SNX7: variants seen among roughly 807,000 people sequenced by gnomAD.
SNX7 encodes the protein sorting nexin 7.
SNX7 carries 35 observed loss-of-function variants against 48.4 expected under a neutral mutation model. The ratio of observed to expected loss-of-function variants is 0.72; its 90% confidence interval spans 0.55 to 0.96. SNX7 has a LOEUF of 0.96. SNX7 is among the 40% of genes least tolerant of loss of function. SNX7 has a pLI of 0.00. For missense variants in SNX7, 553 were observed against 548.9 expected, an observed-to-expected ratio of 1.01 and a Z score of -0.07; for synonymous variants, 190 against 190.2, an observed-to-expected ratio of 1.00 and a Z score of 0.01.
rs369408661 is a variant in SNX7 at position 98,695,595 on chromosome 1, A to G, written c.717A>G (p.Ser239=). Residue 239 remains serine (S), a synonymous_variant, in exon 5 of 9, where the codon TCA becomes TCG. Transcript: ENST00000306121. ...MGQTVRAVAS[S]MRGVKNRPEE... ...AAACCGTCAGAGCTGTTGCGTCCTCAATGAGAGGAGTTAAAAACCGCCCAG... is the reference window on the plus strand; with the variant it reads ...AAACCGTCAGAGCTGTTGCGTCCTCGATGAGAGGAGTTAAAAACCGCCCAG... 5.2e-4 allele frequency: 838 copies of G among 1,614,040 alleles called. 7 individuals carry two copies. Among genetic ancestry groups the G allele is most frequent in the Non-Finnish European group, 2.7e-5 (32 of 1,180,018 alleles).
At chr1:98,691,914 T>TACAC (rs1553199327) in intron 4 of SNX7, among the ~76,000 whole-genome samples, 29 of 133,576 alleles carry the variant, frequency 2.2e-4, no homozygotes, top group African/African-American at 5.9e-4. Flanking sequence ...TCCATATATA[T>TACAC]ACACACACAC....
rs904783167 is a variant in SNX7 at position 98,738,449 on chromosome 1, C to T, written c.1278+60C>T. The T allele has an allele frequency of 1.7e-5, 26 of 1,516,452 alleles. 1 individual carries two copies. The highest frequency in any genetic ancestry group is 1.7e-4 in the Middle Eastern group (1 of 5,800). 93.9% of individuals were successfully genotyped at this position (1,516,452 alleles called of 1,614,324 possible). On this transcript the variant is annotated intron_variant, in intron 8 of 8. Coordinates refer to ENST00000306121, the MANE Select transcript of SNX7 (RefSeq NM_015976.5). ...AGTTATATGCTCATTTACTTTTGGT[C>T]CGTCCAATGTTGAAAGAGTGTATTA...
At chr1:98,691,511 C>G (rs376728157) in intron 3 of SNX7, 24 bp from the exon 4 acceptor site, 6 of 1,547,472 alleles carry the variant, frequency 3.9e-6, no homozygotes. Flanking sequence ...TACTTGAATA[C>G]CTTTTTAATT....
Position 98,698,786 on chromosome 1 carries a change from A to G in SNX7, c.919A>G (p.Lys307Glu). The G allele has an allele frequency of 2.5e-6, 4 of 1,613,814 alleles. No homozygotes were observed. Among genetic ancestry groups the G allele is most frequent in the African/African-American group, 1.3e-5 (1 of 75,010 alleles). The change falls in exon 6 of 9, where the codon AAG (lysine) becomes GAG (glutamate). Residue 307 changes from lysine to glutamate, a missense_variant. By Grantham distance (56) the Lys-to-Glu change is moderately conservative (BLOSUM62 1). Transcript: ENST00000306121. ...ASEEDLVDTL[K>E]DVASCIDRCC... ...AGAAGAGGATCTGGTTGATACTCTA[A>G]AGGATGTTGCCAGCTGCATTGACAG...
chr1:98,735,635 T>A (rs1653734022), intron 7 of SNX7, among the ~76,000 whole-genome samples: 1 of 152,128 alleles, frequency 6.6e-6, no homozygotes, highest in Admixed American at 6.6e-5. Context: ...CTGATGATGA[T>A]GGTGATGATG....
In SNX7 at chr1:98,683,059, T is replaced by A. The variant is rs193244448; in HGVS notation, c.181-1826T>A. On this transcript the variant is annotated intron_variant, in intron 1 of 8. Transcript: ENST00000306121. Reference sequence around the variant, plus strand: ...TGGTGTTGCTGTTCTCTGAATTTTCTTTTTAAAAAGAGCATGCTTTCATTC... The same window carrying A: ...TGGTGTTGCTGTTCTCTGAATTTTCATTTTAAAAAGAGCATGCTTTCATTC... Among the ~76,000 whole-genome samples, 255 of 152,330 alleles carry A rather than the reference T, an allele frequency of 1.7e-3. 1 individual carries two copies. The highest frequency in any genetic ancestry group is 3.2e-3 in the Non-Finnish European group (215 of 68,026).
At chr1:98,685,104 C>A (rs772983192) in intron 2 of SNX7, 37 bp downstream of exon 2, 5 of 1,299,958 alleles carry the variant, frequency 3.8e-6, no homozygotes, top group South Asian at 2.1e-5. Flanking sequence ...AATATAGCTG[C>A]TTTTTTTTAA....
intron 7 of SNX7, among the ~76,000 whole-genome samples, chr1:98,734,722 G>A (rs910934120): frequency 6.6e-6 from 1 of 152,140 alleles, no homozygotes; most frequent in Non-Finnish European, 1.5e-5. Context: ...TAATGACTTT[G>A]TGTGGCTAAT....
intron 1 of SNX7, among the ~76,000 whole-genome samples, chr1:98,674,013 G>T (rs1250529856): frequency 6.6e-6 from 1 of 152,114 alleles, no homozygotes; most frequent in Non-Finnish European, 1.5e-5. Context: ...TATCTTTGAG[G>T]AAGCTATGTG....
At position 98,699,300 on chromosome 1, in the gene SNX7, A is replaced by G. The variant is rs939448767; in HGVS notation, c.1038+395A>G. Among the ~76,000 whole-genome samples the G allele has an allele frequency of 2.6e-5, 4 of 152,284 alleles. No individual in the cohort carries two copies. The East Asian group carries it at 7.7e-4, about 29-fold the overall frequency. ...TTGATTTAGCAATATATTTAGTACC[A>G]TTATGTAGAAAGTACTTGAGTTGGA... On this transcript the variant is annotated intron_variant, in intron 6 of 8. Transcript: ENST00000306121.
intron 7 of SNX7, among the ~76,000 whole-genome samples, chr1:98,721,183 C>T (rs1265532233): frequency 6.6e-6 from 1 of 152,074 alleles, no homozygotes; most frequent in African/African-American, 2.4e-5. Context: ...CACAGGAATG[C>T]TCTTTGGAGC....
chr1:98,718,441 A>G (rs1236232705), intron 7 of SNX7, among the ~76,000 whole-genome samples: 1 of 152,086 alleles, frequency 6.6e-6, no homozygotes, highest in Non-Finnish European at 1.5e-5. Flanking sequence ...GTGTCCCTAC[A>G]AATATTACTT....
At chr1:98,710,408 A>G (rs1309968012) in intron 7 of SNX7, among the ~76,000 whole-genome samples, 1 of 152,118 alleles carries the variant, frequency 6.6e-6, no homozygotes, top group Non-Finnish European at 1.5e-5. Context: ...TTCTAACGAA[A>G]GACTAAGCTC....
intron 6 of SNX7, 93 bp downstream of exon 6, chr1:98,698,998 C>A: frequency 8.3e-7 from 1 of 1,205,212 alleles, no homozygotes; most frequent in Admixed American, 2.1e-5. Context: ...AAACCACTAT[C>A]TTTTTGTCCT....
At chr1:98,698,227 T>C (rs866727502) in intron 5 of SNX7, among the ~76,000 whole-genome samples, 18 of 152,208 alleles carry the variant, frequency 1.2e-4, no homozygotes, top group African/African-American at 4.3e-4. Flanking sequence ...AGTTTTGGAA[T>C]TGGTGATTTA....
chr1:98,698,854 G>A lies in SNX7; in HGVS notation c.987G>A (p.Glu329=). The change falls in exon 6 of 9, where the codon GAG becomes GAA. Residue 329 remains glutamate (E), a synonymous_variant. Coordinates refer to ENST00000306121, the MANE Select transcript of SNX7 (RefSeq NM_015976.5). ...AAAAGCGGATGTCTGGACTCTCAGA[G>A]GCCCTGCTTCCTGTTGTACATGAGT... ...ATEKRMSGLS[E]ALLPVVHEYV... 6.2e-7 allele frequency: 1 copy of A among 1,613,822 alleles called. No individual in the cohort carries two copies. The highest frequency in any genetic ancestry group is 8.5e-7 in the Non-Finnish European group (1 of 1,179,800).
intron 1 of SNX7, among the ~76,000 whole-genome samples, chr1:98,679,099 A>G (rs897003493): frequency 3.9e-5 from 6 of 152,198 alleles, no homozygotes; most frequent in Non-Finnish European, 8.8e-5. Context: ...TTATATAGGA[A>G]AAAGGGTTTA....
chr1:98,741,525 T>A lies in SNX7; in HGVS notation c.1278+3136T>A, dbSNP rs1654068445. On this transcript the variant is annotated intron_variant, in intron 8 of 8. Transcript: ENST00000306121. ...GAAACTTTTACTAGGTAAAATGATG[T>A]TGTTCCCATTTTGTTCTGTATGACC... Among the ~76,000 whole-genome samples, 5 of 152,216 alleles carry A rather than the reference T, an allele frequency of 3.3e-5. No individual in the cohort carries two copies. In the South Asian group the frequency reaches 1.0e-3, roughly 31 times the overall value.
chr1:98,687,675 A>T (rs1325324402), intron 2 of SNX7, among the ~76,000 whole-genome samples: 1 of 152,076 alleles, frequency 6.6e-6, no homozygotes, highest in Non-Finnish European at 1.5e-5. Context: ...TAAATAATTA[A>T]TTTTGTACTG....
Sources: allele counts gnomAD v4.1 joint callset (sites outside exome capture counted in the v4.1 genomes callset), GRCh38; gene constraint gnomAD v4.1.1; transcripts MANE v1.5; gene names NCBI Gene and HGNC (gene_info 2026-07-23, HGNC 2026-07-21).